Variants in LRP1B observed in about 807,000 individuals in gnomAD.
LRP1B encodes low-density lipoprotein receptor-related protein 1B.
LRP1B carries 217 observed loss-of-function variants against 556.6 expected under a neutral mutation model. That is an observed-to-expected ratio of 0.39 (90% confidence interval 0.35 to 0.44). The LOEUF is 0.44. Among genes scored for constraint, LRP1B ranks in the 20% least tolerant of loss-of-function variants. The pLI is 1.00. For synonymous variants in LRP1B, 2,047 were observed against 1,865.8 expected, an observed-to-expected ratio of 1.10 and a Z score of -2.50; for missense variants, 5,053 against 5,620.8, an observed-to-expected ratio of 0.90 and a Z score of 3.23.
At chr2:140,297,039 G>T (rs1407458305) in intron 84 of LRP1B, among the ~76,000 whole-genome samples, 1 of 152,122 alleles carries the variant, frequency 6.6e-6, no homozygotes, top group Non-Finnish European at 1.5e-5. Flanking sequence ...AGGAGAAAAA[G>T]GGGACAGTTG....
chr2:141,813,966 A>G (rs753811101), intron 1 of LRP1B, among the ~76,000 whole-genome samples: 108 of 152,150 alleles, frequency 7.1e-4, no homozygotes, highest in Non-Finnish European at 1.4e-3. Context: ...TCTATGAGCC[A>G]TTTTTGAAAC....
At chr2:141,716,764 G>A (rs941421454) in intron 2 of LRP1B, among the ~76,000 whole-genome samples, 3 of 152,160 alleles carry the variant, frequency 2.0e-5, no homozygotes, top group African/African-American at 4.8e-5. Context: ...AAGCAATAAC[G>A]TGTTGATTCT....
At chr2:141,962,480 A>G (rs960658966) in intron 1 of LRP1B, among the ~76,000 whole-genome samples, 1 of 151,820 alleles carries the variant, frequency 6.6e-6, no homozygotes, top group South Asian at 2.1e-4. Context: ...ACCTGTTCAC[A>G]TTGCACTGGA....
At chr2:140,269,183 G>GTGGA in intron 86 of LRP1B, 1 of 443,422 alleles carries the variant, frequency 2.3e-6, no homozygotes, top group Non-Finnish European at 4.7e-6. Flanking sequence ...TGAAATGCAT[G>GTGGA]TGGATGTTCA....
intron 66 of LRP1B, among the ~76,000 whole-genome samples, chr2:140,416,768 T>C (rs1322075639): frequency 6.6e-6 from 1 of 152,182 alleles, no homozygotes; most frequent in Non-Finnish European, 1.5e-5. Context: ...GTGGCAGACT[T>C]TAAGTCAGAA....
chr2:140,512,700 CTA>C (rs1689718765), intron 51 of LRP1B, among the ~76,000 whole-genome samples: 1 of 152,032 alleles, frequency 6.6e-6, no homozygotes, highest in Non-Finnish European at 1.5e-5. Flanking sequence ...ATCAGAATCA[CTA>C]TGTGCATATC....
chr2:141,863,057 T>C (rs899845197), intron 1 of LRP1B, among the ~76,000 whole-genome samples: 2 of 152,208 alleles, frequency 1.3e-5, no homozygotes, highest in South Asian at 2.1e-4. Context: ...CTTAATTTCT[T>C]TGTGTTTCAT....
chr2:141,757,991 G>A (rs1162665525), intron 2 of LRP1B, among the ~76,000 whole-genome samples: 2 of 152,128 alleles, frequency 1.3e-5, no homozygotes, highest in Admixed American at 6.6e-5. Context: ...ATTTTGAGGT[G>A]GACTTAACCT....
At chr2:141,853,523 A>G (rs1697936413) in intron 1 of LRP1B, among the ~76,000 whole-genome samples, 1 of 151,790 alleles carries the variant, frequency 6.6e-6, no homozygotes. Flanking sequence ...GTGTATATGT[A>G]TGTTGTCTCG....
chr2:140,524,491 C>T (rs892430771), intron 49 of LRP1B, among the ~76,000 whole-genome samples: 1 of 151,772 alleles, frequency 6.6e-6, no homozygotes, highest in South Asian at 2.1e-4. Context: ...AAGATACATG[C>T]ACTCATATAT....
At chr2:141,298,375 C>T (rs189590298) in intron 3 of LRP1B, among the ~76,000 whole-genome samples, 2 of 152,206 alleles carry the variant, frequency 1.3e-5, no homozygotes, top group East Asian at 3.9e-4. Context: ...AAGGTGGAAA[C>T]TTTGGATCTT....
intron 27 of LRP1B, among the ~76,000 whole-genome samples, chr2:140,865,830 G>A (rs1692932536): frequency 6.6e-6 from 1 of 151,976 alleles, no homozygotes; most frequent in Admixed American, 6.6e-5. Context: ...TTTGAGTTAA[G>A]GAAAGATGTC....
At chr2:141,312,508 T>C (rs906560778) in intron 3 of LRP1B, among the ~76,000 whole-genome samples, 2 of 152,156 alleles carry the variant, frequency 1.3e-5, no homozygotes, top group African/African-American at 4.8e-5. Context: ...GAGCTCAAAG[T>C]TATACATGGA....
At chr2:140,950,548 A>G (rs984857810) in intron 19 of LRP1B, 146 bp from the exon 20 acceptor site, 6 of 539,522 alleles carry the variant, frequency 1.1e-5, no homozygotes, top group African/African-American at 3.9e-5. Flanking sequence ...CAGTGGCACT[A>G]TCTCGGCTCA....
intron 1 of LRP1B, among the ~76,000 whole-genome samples, chr2:142,064,717 T>C (rs1422172333): frequency 6.6e-6 from 1 of 151,558 alleles, no homozygotes; most frequent in South Asian, 2.1e-4. Context: ...ACTGAGTACA[T>C]GTACACACTC....
intron 1 of LRP1B, among the ~76,000 whole-genome samples, chr2:142,097,565 T>G (rs866063541): frequency 2.0e-5 from 3 of 151,658 alleles, no homozygotes; most frequent in Admixed American, 2.0e-4. Context: ...AGACATGAAA[T>G]GTACAGCTAA....
chr2:141,085,003 G>A (rs952977164), intron 7 of LRP1B, among the ~76,000 whole-genome samples: 8 of 152,056 alleles, frequency 5.3e-5, no homozygotes, highest in African/African-American at 1.9e-4. Context: ...TATGTTTCTT[G>A]CATTTTCCCC....
At chr2:141,314,643 T>A (rs548872314) in intron 3 of LRP1B, among the ~76,000 whole-genome samples, 179 of 150,410 alleles carry the variant, frequency 1.2e-3, no homozygotes, top group African/African-American at 4.2e-3. Flanking sequence ...TAGAAAAAAT[T>A]AGCCGGGCGT....
At chr2:142,077,193 A>G (rs1373862894) in intron 1 of LRP1B, among the ~76,000 whole-genome samples, 1 of 152,104 alleles carries the variant, frequency 6.6e-6, no homozygotes, top group Non-Finnish European at 1.5e-5. Context: ...TTTGGCCTGG[A>G]GTAATCACGG....
Sources: gnomAD v4.1 joint callset for allele counts (sites outside exome capture counted in the v4.1 genomes callset) on GRCh38, gnomAD v4.1.1 for gene constraint, MANE v1.5 for transcripts, NCBI Gene and HGNC (gene_info 2026-07-23, HGNC 2026-07-21) for gene names.